RYR3: variants seen among roughly 807,000 people sequenced by gnomAD.
The protein encoded by RYR3 is brain ryanodine receptor-calcium release channel.
RYR3 carries 207 observed loss-of-function variants against 584.3 expected under a neutral mutation model. That is an observed-to-expected ratio of 0.35 (90% CI 0.32 to 0.40). RYR3 has a LOEUF of 0.40. Ranked by LOEUF, RYR3 falls within the 10% of genes least tolerant of loss-of-function variation. The probability of loss-of-function intolerance (pLI) is 1.00; values close to 1 mark genes in which losing one functional copy is unlikely to be tolerated. For synonymous variants in RYR3, 2,416 were observed against 2,248.5 expected (o/e 1.07, Z -2.11); for missense variants, 5,616 against 6,089.2 (o/e 0.92, Z 2.59).
At chr15:33,673,616 G>A (rs2063980268) in intron 38 of RYR3, among the ~76,000 whole-genome samples, 1 of 152,114 alleles carries the variant, frequency 6.6e-6, no homozygotes, top group Non-Finnish European at 1.5e-5. Context: ...TGCAGTTTAA[G>A]CAGCATTTCC....
chr15:33,639,668 T>C (rs1447222680), intron 27 of RYR3, among the ~76,000 whole-genome samples: 2 of 152,176 alleles, frequency 1.3e-5, no homozygotes, highest in Non-Finnish European at 2.9e-5. Context: ...ATGGGAAGCC[T>C]TTTGCCCTTT....
In RYR3 at chr15:33,769,600, GGAA is replaced by G. The variant is rs202230266; in HGVS notation, c.8816+433_8816+435del. On this transcript the variant is annotated intron_variant, in intron 62 of 103. Coordinates refer to ENST00000634891, the MANE Select transcript of RYR3 (RefSeq NM_001036.6). ...GTTGATGCCATGGCCTAGGGATTTG[GGAA>G]GAAGTCTTAAAAAATAATACATAAG... 8.7e-3 allele frequency among the ~76,000 whole-genome samples: 1,330 copies of G among 152,260 alleles called. 7 individuals are homozygous for G. The highest frequency in any genetic ancestry group is 0.013 in the Non-Finnish European group (880 of 68,026).
intron 102 of RYR3, among the ~76,000 whole-genome samples, chr15:33,863,328 G>GA (rs1889193202): frequency 6.6e-6 from 1 of 152,178 alleles, no homozygotes; most frequent in African/African-American, 2.4e-5. Context: ...CGGAAAGGCA[G>GA]TGAACATACT....
At chr15:33,666,954 A>G (rs552587307) in intron 36 of RYR3, among the ~76,000 whole-genome samples, 1 of 152,372 alleles carries the variant, frequency 6.6e-6, no homozygotes, top group South Asian at 2.1e-4. Flanking sequence ...TAACTCAGAA[A>G]CCAGATCTTC....
chr15:33,555,621 TA>T (rs942164493), intron 10 of RYR3, among the ~76,000 whole-genome samples: 34 of 151,804 alleles, frequency 2.2e-4, no homozygotes, highest in African/African-American at 5.8e-4. Flanking sequence ...AATAGAGATT[TA>T]AAAAAAAGTA....
At chr15:33,530,852 T>G (rs907948823) in intron 4 of RYR3, among the ~76,000 whole-genome samples, 186 bp downstream of exon 4, 87 of 152,272 alleles carry the variant, frequency 5.7e-4, no homozygotes, top group African/African-American at 1.9e-3. Flanking sequence ...TGCAATTGTG[T>G]TTTTTGTTTC....
intron 1 of RYR3, among the ~76,000 whole-genome samples, chr15:33,404,209 A>G (rs2042868948): frequency 6.6e-6 from 1 of 152,216 alleles, no homozygotes; most frequent in Non-Finnish European, 1.5e-5. Context: ...GCTTACCTTG[A>G]TGACTATAAA....
intron 69 of RYR3, among the ~76,000 whole-genome samples, chr15:33,802,358 G>T (rs1567201600): frequency 6.6e-6 from 1 of 152,216 alleles, no homozygotes; most frequent in Non-Finnish European, 1.5e-5. Context: ...GATTTTGACA[G>T]CACGTACTCT....
At chr15:33,518,682 A>T (rs143558610) in intron 3 of RYR3, among the ~76,000 whole-genome samples, 2 of 152,232 alleles carry the variant, frequency 1.3e-5, no homozygotes, top group Non-Finnish European at 2.9e-5. Context: ...GCTTCCATTC[A>T]TAGATCAGCA....
chr15:33,823,102 A>T (rs774201184), intron 81 of RYR3, 30 bp downstream of exon 81: 1 of 1,586,540 alleles, frequency 6.3e-7, no homozygotes, highest in East Asian at 2.2e-5. Flanking sequence ...CATAGCATTT[A>T]AAAAACTCTT....
chr15:33,861,691 T>G (rs1265577698), intron 102 of RYR3, among the ~76,000 whole-genome samples: 1 of 152,230 alleles, frequency 6.6e-6, no homozygotes, highest in Non-Finnish European at 1.5e-5. Context: ...CAAAGGGGCC[T>G]GTAACCTGCA....
At chr15:33,476,589 T>A (rs2049400532) in intron 2 of RYR3, among the ~76,000 whole-genome samples, 1 of 152,226 alleles carries the variant, frequency 6.6e-6, no homozygotes, top group Admixed American at 6.5e-5. Flanking sequence ...CATATTGCTA[T>A]ATGGTCTTCA....
chr15:33,547,707 C>T (rs954552187), intron 8 of RYR3, among the ~76,000 whole-genome samples: 1 of 152,054 alleles, frequency 6.6e-6, no homozygotes, highest in African/African-American at 2.4e-5. Flanking sequence ...CACACTATGT[C>T]GAATAGGTGT....
intron 5 of RYR3, among the ~76,000 whole-genome samples, chr15:33,534,980 T>C (rs2055202308): frequency 6.6e-6 from 1 of 152,208 alleles, no homozygotes; most frequent in Non-Finnish European, 1.5e-5. Flanking sequence ...AATAAGAATT[T>C]ACTAGAAGGA....
rs996212793 is a variant in RYR3 at position 33,462,999 on chromosome 15, C to T, written c.52-10420C>T. Among the ~76,000 whole-genome samples, 13 of 151,898 alleles carry T rather than the reference C, an allele frequency of 8.6e-5. No individual in the cohort carries two copies. In the East Asian group the frequency reaches 2.3e-3, roughly 27 times the overall value. On this transcript the variant is annotated intron_variant, in intron 1 of 103. Coordinates refer to ENST00000634891, the MANE Select transcript of RYR3 (RefSeq NM_001036.6). ...CAGCCTGGGCAACATGGCAAAACCC[C>T]GTCTCTACAAAAAAACACAAAAATT...
At chr15:33,352,685 T>TC in intron 1 of RYR3, among the ~76,000 whole-genome samples, 1 of 152,218 alleles carries the variant, frequency 6.6e-6, no homozygotes, top group African/African-American at 2.4e-5. Flanking sequence ...GCATAGAATA[T>TC]TATTCACAAG....
chr15:33,627,318 G>C (rs2061043725), intron 20 of RYR3, among the ~76,000 whole-genome samples: 2 of 152,158 alleles, frequency 1.3e-5, no homozygotes, highest in Non-Finnish European at 2.9e-5. Flanking sequence ...ACAAAACTTA[G>C]GCTCCCAGTT....
At chr15:33,349,434 A>G (rs1972910721) in intron 1 of RYR3, among the ~76,000 whole-genome samples, 1 of 152,172 alleles carries the variant, frequency 6.6e-6, no homozygotes. Context: ...CATCCTTACC[A>G]GCATTTAATA....
At chr15:33,347,379 T>A (rs191688710) in intron 1 of RYR3, among the ~76,000 whole-genome samples, 164 of 152,308 alleles carry the variant, frequency 1.1e-3, no homozygotes, top group African/African-American at 3.8e-3. Flanking sequence ...ATATTTATTC[T>A]GTATCTTGAG....
Sources: gnomAD v4.1 joint callset for allele counts (sites outside exome capture counted in the v4.1 genomes callset) on GRCh38, gnomAD v4.1.1 for gene constraint, MANE v1.5 for transcripts, NCBI Gene and HGNC (gene_info 2026-07-23, HGNC 2026-07-21) for gene names.